Variants in L3MBTL2 observed in about 807,000 individuals in gnomAD.
L3MBTL2 encodes the protein L3MBTL histone methyl-lysine binding protein 2.
In L3MBTL2, 49 loss-of-function variants were observed where a neutral mutation model predicts 86.4. The observed-to-expected ratio is 0.57, with a 90% CI of 0.45 to 0.72. The LOEUF (loss-of-function observed/expected upper bound fraction) is 0.72. Among genes scored for constraint, L3MBTL2 ranks in the 30% least tolerant of loss-of-function variants. The pLI is 0.00. For missense variants in L3MBTL2, 755 were observed against 923.7 expected (o/e 0.82, Z 2.37); for synonymous variants, 336 against 350.6 (o/e 0.96, Z 0.47).
intron 2 of L3MBTL2, among the ~76,000 whole-genome samples, chr22:41,211,060 T>G (rs2030739798): frequency 6.6e-6 from 1 of 152,096 alleles, no homozygotes; most frequent in African/African-American, 2.4e-5. Flanking sequence ...CTATGGATCA[T>G]CTGGAAGCCA....
intron 3 of L3MBTL2, 82 bp downstream of exon 3, chr22:41,214,108 G>A (rs2031139134): frequency 2.0e-6 from 3 of 1,485,928 alleles, no homozygotes; most frequent in African/African-American, 1.4e-5. Flanking sequence ...CCAGGGCCAG[G>A]AAAGTTTGAA....
At position 41,225,948 on chromosome 22, in the gene L3MBTL2, C is replaced by T; in HGVS notation, c.1504+7C>T. 6.2e-7 allele frequency: 1 copy of T among 1,613,444 alleles called. No individual in the cohort carries two copies. The highest frequency in any genetic ancestry group is 8.5e-7 in the Non-Finnish European group (1 of 1,179,928). ...GAGCTCACACCGCCAAAAGGTAAGA[C>T]TAGAGAGGCCACCACCTGCTGTCCT... On this transcript the variant is annotated splice_region_variant and intron_variant, in intron 12 of 16. Transcript: ENST00000216237. The surrounding 1 kb of genome is among the most constrained non-coding windows in gnomAD (Gnocchi z 4.1).
At chr22:41,220,089 C>T (rs1181267051) in intron 6 of L3MBTL2, among the ~76,000 whole-genome samples, 5 of 152,188 alleles carry the variant, frequency 3.3e-5, no homozygotes, top group Admixed American at 6.5e-5. Context: ...TGGCTCACAC[C>T]TCTAATCCCA....
At chr22:41,210,097 A>AC in intron 2 of L3MBTL2, 164 bp downstream of exon 2, 1 of 713,926 alleles carries the variant, frequency 1.4e-6, no homozygotes, top group Non-Finnish European at 2.1e-6. Context: ...AGACAGAAGC[A>AC]CCCCAAGTAG....
In L3MBTL2 at chr22:41,216,102, C is replaced by T. The variant is rs763395713; in HGVS notation, c.397-37C>T. ...CCCAAATCCAGACTCATGATCCCAG[C>T]CGCCAGGCTACACATAGCCTCTGTC... On this transcript the variant is annotated intron_variant, in intron 3 of 16. Transcript: ENST00000216237. 1.1e-5 allele frequency: 18 copies of T among 1,582,078 alleles called. 1 individual carries two copies. The East Asian group carries it at 4.2e-4, about 37-fold the overall frequency.
At chr22:41,219,264 C>T (rs2031634069) in intron 5 of L3MBTL2, 155 bp from the exon 6 acceptor site, 1 of 615,494 alleles carries the variant, frequency 1.6e-6, no homozygotes, top group Admixed American at 2.3e-5. Context: ...GGACAGGAGA[C>T]CTCATCTCTT....
chr22:41,227,884 G>T lies in L3MBTL2; in HGVS notation c.1888+15G>T, dbSNP rs199819388. On this transcript the variant is annotated intron_variant, in intron 15 of 16. Transcript: ENST00000216237. The surrounding 1 kb of genome is among the most constrained non-coding windows in gnomAD (Gnocchi z 6.0). ...TGGGAAGAAAAGTAAGTGCTGCACCGGTGCAGCCAGGCTGGTGTGGGCCTG... is the reference window on the plus strand; with the variant it reads ...TGGGAAGAAAAGTAAGTGCTGCACCTGTGCAGCCAGGCTGGTGTGGGCCTG... The T allele has an allele frequency of 6.2e-7, 1 of 1,610,954 alleles. No individual in the cohort carries two copies. Among genetic ancestry groups the T allele is most frequent in the African/African-American group, 1.3e-5 (1 of 74,958 alleles).
intron 2 of L3MBTL2, 65 bp from the exon 3 acceptor site, chr22:41,213,828 C>G (rs1052199204): frequency 1.4e-5 from 23 of 1,586,408 alleles, no homozygotes; most frequent in Non-Finnish European, 2.0e-5. Context: ...TTTTGAAGGG[C>G]CCATCACTTT....
At chr22:41,208,707 G>T (rs1331574234) in intron 1 of L3MBTL2, among the ~76,000 whole-genome samples, 1 of 152,132 alleles carries the variant, frequency 6.6e-6, no homozygotes, top group African/African-American at 2.4e-5. Flanking sequence ...AATTGTTTCT[G>T]AGTTGAGATC....
chr22:41,208,895 A>T (rs900153609), intron 1 of L3MBTL2, among the ~76,000 whole-genome samples: 15 of 151,730 alleles, frequency 9.9e-5, no homozygotes, highest in African/African-American at 3.6e-4. Flanking sequence ...GGCACCCGCC[A>T]CCACACCCAG....
chr22:41,228,829 G>C (rs370169683), intron 15 of L3MBTL2, among the ~76,000 whole-genome samples: 1 of 148,198 alleles, frequency 6.7e-6, no homozygotes, highest in Admixed American at 6.7e-5. Flanking sequence ...CAGCCTGGGC[G>C]GAAGAGGGAA....
rs191495506 is a variant in L3MBTL2 at position 41,228,353 on chromosome 22, C to T, written c.1888+484C>T. On this transcript the variant is annotated intron_variant, in intron 15 of 16. Transcript: ENST00000216237. ...GGCAGGACTCCACCTGGCTCTCAGG[C>T]CGTGGGTGTCGTTTCCCTTGGTGGG... The T allele has an allele frequency of 5.6e-4, 554 of 985,444 alleles. 9 individuals are homozygous for T. The highest frequency in any genetic ancestry group is 2.0e-4 in the Non-Finnish European group (165 of 829,924). 61.0% of individuals were successfully genotyped at this position (985,444 alleles called of 1,614,324 possible). A position where few individuals can be genotyped will look rare whatever the true frequency, so the allele number is the denominator to read the frequency against.
chr22:41,215,111 C>T (rs1014691930), intron 3 of L3MBTL2, among the ~76,000 whole-genome samples: 4 of 152,050 alleles, frequency 2.6e-5, no homozygotes, highest in African/African-American at 7.2e-5. Context: ...TAATGTGCAG[C>T]GAAGTTTGAG....
chr22:41,210,725 A>G (rs1347379191), intron 2 of L3MBTL2, among the ~76,000 whole-genome samples: 1 of 152,152 alleles, frequency 6.6e-6, no homozygotes, highest in Non-Finnish European at 1.5e-5. Context: ...CAGCTTCCCA[A>G]AGTGCTGGGA....
intron 6 of L3MBTL2, 59 bp from the exon 7 acceptor site, chr22:41,220,675 A>AC: frequency 6.6e-7 from 1 of 1,506,266 alleles, no homozygotes; most frequent in Non-Finnish European, 8.9e-7. Context: ...AAAAAAAAAA[A>AC]CAGAACATAC....
At position 41,227,309 on chromosome 22, in the gene L3MBTL2, C is replaced by T. The variant is rs1162438438; in HGVS notation, c.1808C>T (p.Pro603Leu). The T allele has an allele frequency of 6.2e-7, 1 of 1,601,378 alleles. No homozygotes were observed. Among genetic ancestry groups the T allele is most frequent in the Non-Finnish European group, 8.5e-7 (1 of 1,174,364 alleles). The part of the protein sequence containing the change: ...WCELTGYQLQ[P>L]PVAAEPATPL... ...GAGCTCACCGGCTACCAGCTCCAGC[C>T]TCCTGTGGCCGCAGGTGTGGGCTCT... Residue 603 changes from proline to leucine, a missense_variant, in exon 14 of 17, where the codon CCT becomes CTT. Pro to Leu is a moderately conservative substitution (Grantham distance 98). Coordinates refer to ENST00000216237, the MANE Select transcript of L3MBTL2 (RefSeq NM_031488.5). The surrounding 1 kb of genome is among the most constrained non-coding windows in gnomAD (Gnocchi z 6.0).
intron 8 of L3MBTL2, among the ~76,000 whole-genome samples, chr22:41,221,893 G>A (rs5758265): frequency 0.35 from 49,678 of 140,078 alleles, 8,445 homozygotes; most frequent in Admixed American, 0.46. Context: ...ATGAGCCACC[G>A]CGCCCAGCCT....
intron 1 of L3MBTL2, chr22:41,208,181 G>A (rs987337778): frequency 1.4e-5 from 4 of 286,972 alleles, no homozygotes; most frequent in Non-Finnish European, 2.1e-5. Flanking sequence ...GCCCAGGCTG[G>A]ATTGCAGTGG....
intron 8 of L3MBTL2, among the ~76,000 whole-genome samples, chr22:41,223,750 C>T (rs530356254): frequency 6.6e-6 from 1 of 152,194 alleles, no homozygotes; most frequent in East Asian, 1.9e-4. Flanking sequence ...AACTCATTGG[C>T]GTTTTGGTGG....
Sources: gnomAD v4.1 joint callset for allele counts (sites outside exome capture counted in the v4.1 genomes callset) on GRCh38, gnomAD v4.1.1 for gene constraint, Gnocchi (gnomAD v3.1) non-coding constraint, MANE v1.5 for transcripts, NCBI Gene and HGNC (gene_info 2026-07-23, HGNC 2026-07-21) for gene names.